PGPEP1L: variants seen among roughly 807,000 people sequenced by gnomAD.
PGPEP1L encodes pyroglutamyl-peptidase 1-like protein.
PGPEP1L carries 7 observed loss-of-function variants against 6.0 expected under a neutral mutation model. That is an observed-to-expected ratio of 1.17 (90% CI 0.66 to 2.19). The LOEUF is 2.19. Ranked by LOEUF, PGPEP1L falls within the 30% of genes most tolerant of loss-of-function variation. The pLI, the probability that PGPEP1L is intolerant of heterozygous loss-of-function variation, is 0.00. For synonymous variants in PGPEP1L, 103 were observed against 83.9 expected, an observed-to-expected ratio of 1.23 and a Z score of -1.24; for missense variants, 209 against 192.5, an observed-to-expected ratio of 1.09 and a Z score of -0.51.
chr15:98,991,440 A>G (rs1339554688), intron 2 of PGPEP1L, among the ~76,000 whole-genome samples: 1 of 152,174 alleles, frequency 6.6e-6, no homozygotes, highest in African/African-American at 2.4e-5. Context: ...GACCAATAAC[A>G]AGTTCTGAAA....
At chr15:98,971,189 G>T (rs1381757820) in intron 2 of PGPEP1L, 31 bp from the exon 3 acceptor site, 13 of 862,392 alleles carry the variant, frequency 1.5e-5, no homozygotes, top group East Asian at 4.1e-5. Context: ...ACTTGCCTCA[G>T]TTGATGGGGG....
intron 4 of PGPEP1L, 91 bp downstream of exon 4, chr15:98,969,334 G>C: frequency 6.6e-7 from 1 of 1,518,170 alleles, no homozygotes; most frequent in South Asian, 1.1e-5. Flanking sequence ...CCAGCTGGAC[G>C]ATACAGGATG....
chr15:99,000,484 G>T (rs1297233928), intron 2 of PGPEP1L, among the ~76,000 whole-genome samples: 1 of 152,210 alleles, frequency 6.6e-6, no homozygotes, highest in Non-Finnish European at 1.5e-5. Flanking sequence ...GGTGGGGATG[G>T]AGAACCTTTA....
intron 1 of PGPEP1L, among the ~76,000 whole-genome samples, chr15:99,006,404 C>G (rs1464593321): frequency 1.3e-5 from 2 of 152,272 alleles, no homozygotes; most frequent in East Asian, 1.9e-4. Flanking sequence ...GGCATGCCAC[C>G]TGGCTCTGCA....
chr15:98,984,642 T>G (rs1167123576), intron 2 of PGPEP1L, among the ~76,000 whole-genome samples: 2 of 151,824 alleles, frequency 1.3e-5, no homozygotes, highest in African/African-American at 4.9e-5. Flanking sequence ...TGGACACTTT[T>G]GGCTGTATAC....
rs1490531678 is a variant in PGPEP1L at position 99,007,604 on chromosome 15, G to A, written c.-615C>T. The A allele has an allele frequency of 2.6e-5, 4 of 152,026 alleles. No individual in the cohort carries two copies. Among genetic ancestry groups the A allele is most frequent in the Non-Finnish European group, 4.4e-5 (3 of 68,064 alleles). 9.4% of individuals were successfully genotyped at this position (152,026 alleles called of 1,614,324 possible). A position where few individuals can be genotyped will look rare whatever the true frequency, so the allele number is the denominator to read the frequency against. On this transcript the variant is annotated 5_prime_UTR_variant, in exon 1 of 5. Coordinates refer to ENST00000535714, the MANE Select transcript of PGPEP1L (RefSeq NM_001167902.2). ...TACGGCTCTTAAGGTGGCGTGTTTG[G>A]AGTTATTCGTTTCTCCCGGTGGGTC...
At chr15:98,978,726 ATTTT>A (rs57804945) in intron 2 of PGPEP1L, among the ~76,000 whole-genome samples, 4,263 of 84,658 alleles carry the variant, frequency 0.05, 48 homozygotes, top group South Asian at 0.068. Context: ...ATATATATAT[ATTTT>A]TTTTTTTTTT....
chr15:99,006,285 C>A (rs1251749418), intron 1 of PGPEP1L, among the ~76,000 whole-genome samples: 2 of 152,192 alleles, frequency 1.3e-5, no homozygotes, highest in Non-Finnish European at 2.9e-5. Flanking sequence ...AGCGTCTGTG[C>A]AAGCTTGCTA....
intron 2 of PGPEP1L, among the ~76,000 whole-genome samples, chr15:99,001,594 C>T (rs781999325): frequency 1.9e-4 from 29 of 152,084 alleles, no homozygotes; most frequent in Non-Finnish European, 4.0e-4. Flanking sequence ...AGTTTAAAAA[C>T]TTTTTATAAT....
At position 98,971,251 on chromosome 15, in the gene PGPEP1L, A is replaced by AC. The variant is rs1407142133; in HGVS notation, c.-141-94dup. ...CCTGAAAACCCAATCCTTGGGGTCT[A>AC]CTTCCAGGGGTCTTCCGCAGCCTGG... On this transcript the variant is annotated intron_variant, in intron 2 of 4. Coordinates refer to ENST00000535714, the MANE Select transcript of PGPEP1L (RefSeq NM_001167902.2). The AC allele has an allele frequency of 8.5e-6, 12 of 1,416,078 alleles. No homozygotes were observed. The African/African-American group carries it at 1.8e-4, about 21-fold the overall frequency. The allele number at this position is 1,416,078 out of a possible 1,614,324, so 87.7% of individuals were successfully genotyped here.
intron 2 of PGPEP1L, among the ~76,000 whole-genome samples, chr15:99,000,653 T>A (rs782340500): frequency 8.5e-5 from 13 of 152,176 alleles, no homozygotes; most frequent in Non-Finnish European, 1.3e-4. Flanking sequence ...GGAGAACCTT[T>A]GTATCCACAC....
intron 4 of PGPEP1L, among the ~76,000 whole-genome samples, chr15:98,968,946 C>A (rs200944513): frequency 1.3e-5 from 2 of 151,808 alleles, no homozygotes; most frequent in Admixed American, 6.6e-5. Context: ...TCCACAGCAC[C>A]TGCATCCCAG....
intron 3 of PGPEP1L, 98 bp downstream of exon 3, chr15:98,970,938 C>A: frequency 6.5e-7 from 1 of 1,528,214 alleles, no homozygotes; most frequent in Non-Finnish European, 8.8e-7. Flanking sequence ...GGACGGGGTG[C>A]CCCTCAACCA....
intron 2 of PGPEP1L, among the ~76,000 whole-genome samples, chr15:98,975,161 T>C (rs891099308): frequency 3.3e-5 from 5 of 152,228 alleles, no homozygotes; most frequent in African/African-American, 7.2e-5. Flanking sequence ...TGGAATCCTG[T>C]CATTTGTAGC....
chr15:98,983,159 A>AG (rs1491139763), intron 2 of PGPEP1L, among the ~76,000 whole-genome samples: 27 of 14,992 alleles, frequency 1.8e-3, no homozygotes, highest in African/African-American at 8.3e-3. Flanking sequence ...TTCTCTTGGG[A>AG]AAAAAAAAAA....
chr15:98,993,994 A>G (rs2017854003), intron 2 of PGPEP1L, among the ~76,000 whole-genome samples: 1 of 152,226 alleles, frequency 6.6e-6, no homozygotes, highest in Admixed American at 6.5e-5. Context: ...TTGGCCTGGC[A>G]CAGTGACTCA....
In PGPEP1L at chr15:98,987,481, G is replaced by A. The variant is rs188817960; in HGVS notation, c.-141-16323C>T. Among the ~76,000 whole-genome samples the A allele has an allele frequency of 4.6e-5, 7 of 152,252 alleles. No individual in the cohort carries two copies. In the East Asian group the frequency reaches 1.4e-3, roughly 29 times the overall value. ...AGAAGTAAAGCCTGAGGTGGGCAGG[G>A]GTGGTGGTGGGGTTGTGGTGGGTGC... On this transcript the variant is annotated intron_variant, in intron 2 of 4. Transcript: ENST00000535714.
intron 2 of PGPEP1L, among the ~76,000 whole-genome samples, chr15:98,985,187 C>G (rs1317974017): frequency 6.6e-6 from 1 of 152,130 alleles, no homozygotes; most frequent in Non-Finnish European, 1.5e-5. Flanking sequence ...GGGTGACTAT[C>G]CTCACTTCGC....
chr15:98,978,706 G>GTATA lies in PGPEP1L; in HGVS notation c.-141-7552_-141-7549dup, dbSNP rs60484400. Reference sequence around the variant, plus strand: ...GTCTTTTTCTCTAGCATTAGACTGTGTATATATATATATATATATATTTTT... The same window carrying GTATA: ...GTCTTTTTCTCTAGCATTAGACTGTGTATATATATATATATATATATATATTTTT... On this transcript the variant is annotated intron_variant, in intron 2 of 4. Transcript: ENST00000535714. Among the ~76,000 whole-genome samples, 229 of 90,540 alleles carry GTATA rather than the reference G, an allele frequency of 2.5e-3. 4 individuals carry two copies. Among genetic ancestry groups the GTATA allele is most frequent in the East Asian group, 0.02 (58 of 2,974 alleles). The allele number at this position is 90,540 out of a possible 152,430, so 59.4% of individuals were successfully genotyped here. A position where few individuals can be genotyped will look rare whatever the true frequency, so the allele number is the denominator to read the frequency against.
Sources: allele counts gnomAD v4.1 joint callset (sites outside exome capture counted in the v4.1 genomes callset), GRCh38; gene constraint gnomAD v4.1.1; transcripts MANE v1.5; gene names NCBI Gene and HGNC (gene_info 2026-07-23, HGNC 2026-07-21).